AFG2A: variants seen among roughly 807,000 people sequenced by gnomAD.
The protein encoded by AFG2A is ATPase family gene 2 protein homolog A.
the AFG2A span, among the ~76,000 whole-genome samples, chr4:123,242,292 G>A: frequency 1.7e-4 from 26 of 152,150 alleles, no homozygotes; most frequent in East Asian, 2.3e-3. Flanking sequence ...AAAGGAGCCC[G>A]CATAGCCAAG....
chr4:122,937,458 G>T, the AFG2A span, among the ~76,000 whole-genome samples: 1 of 152,088 alleles, frequency 6.6e-6, no homozygotes, highest in Non-Finnish European at 1.5e-5. Flanking sequence ...CAAAATGCTG[G>T]CTGTCTTGGT....
chr4:123,265,922 T>C, the AFG2A span, among the ~76,000 whole-genome samples: 3 of 152,038 alleles, frequency 2.0e-5, no homozygotes, highest in Non-Finnish European at 4.4e-5. Context: ...TCCAATATTT[T>C]ATATAAACCA....
chr4:123,241,112 A>G, the AFG2A span, among the ~76,000 whole-genome samples: 48 of 152,354 alleles, frequency 3.2e-4, no homozygotes, highest in Non-Finnish European at 5.7e-4. Context: ...ATAGACCAAT[A>G]ACAGGTTCTG....
At chr4:123,084,910 C>T in the AFG2A span, among the ~76,000 whole-genome samples, 1 of 152,118 alleles carries the variant, frequency 6.6e-6, no homozygotes. Flanking sequence ...CGATTACAGG[C>T]GTGAGCTACT....
At chr4:123,122,336 C>G in the AFG2A span, among the ~76,000 whole-genome samples, 1 of 152,196 alleles carries the variant, frequency 6.6e-6, no homozygotes, top group Non-Finnish European at 1.5e-5. Flanking sequence ...AACACCTAAC[C>G]TACCAAACAT....
At chr4:123,242,592 A>T in the AFG2A span, among the ~76,000 whole-genome samples, 1 of 152,240 alleles carries the variant, frequency 6.6e-6, no homozygotes, top group Non-Finnish European at 1.5e-5. Flanking sequence ...TTATACAAAA[A>T]TTAATTCAAG....
the AFG2A span, among the ~76,000 whole-genome samples, chr4:122,981,964 T>G: frequency 2.0e-5 from 3 of 152,208 alleles, no homozygotes; most frequent in South Asian, 6.2e-4. Flanking sequence ...ACAATTTTTT[T>G]CTTCTTTTTC....
the AFG2A span, among the ~76,000 whole-genome samples, chr4:123,043,710 G>A: frequency 1.3e-5 from 2 of 152,156 alleles, no homozygotes; most frequent in Non-Finnish European, 2.9e-5. Flanking sequence ...GAAGTCAGAA[G>A]TTGCTAAATC....
chr4:123,284,717 A>G, the AFG2A span, among the ~76,000 whole-genome samples: 4 of 152,158 alleles, frequency 2.6e-5, no homozygotes, highest in South Asian at 8.3e-4. Flanking sequence ...GATGTCTATT[A>G]TGTTATAGTT....
the AFG2A span, among the ~76,000 whole-genome samples, chr4:123,169,439 A>G: frequency 6.6e-6 from 1 of 152,172 alleles, no homozygotes; most frequent in African/African-American, 2.4e-5. Flanking sequence ...TACAGTCTCA[A>G]AGAGATAGAG....
At chr4:122,973,570 C>T in the AFG2A span, among the ~76,000 whole-genome samples, 1 of 151,902 alleles carries the variant, frequency 6.6e-6, no homozygotes, top group African/African-American at 2.4e-5. Context: ...AGTGAATATC[C>T]TATGTTTGTC....
the AFG2A span, among the ~76,000 whole-genome samples, chr4:123,200,306 C>T: frequency 2.0e-5 from 3 of 152,188 alleles, no homozygotes; most frequent in Non-Finnish European, 2.9e-5. Flanking sequence ...TTTTCTACTG[C>T]AATTATTTCA....
At chr4:122,983,479 A>G in the AFG2A span, among the ~76,000 whole-genome samples, 5 of 152,206 alleles carry the variant, frequency 3.3e-5, no homozygotes, top group South Asian at 1.0e-3. Flanking sequence ...CTTTTGCTGT[A>G]TCAAAGTTTT....
the AFG2A span, among the ~76,000 whole-genome samples, chr4:123,204,152 C>G: frequency 1.3e-5 from 2 of 152,166 alleles, no homozygotes; most frequent in African/African-American, 2.4e-5. Context: ...GATCAACGAC[C>G]TGGATTTCAT....
the AFG2A span, among the ~76,000 whole-genome samples, chr4:123,234,868 T>G: frequency 6.6e-6 from 1 of 152,102 alleles, no homozygotes; most frequent in African/African-American, 2.4e-5. Flanking sequence ...TTATTTAACC[T>G]CTCTCTAACT....
At chr4:122,930,650 C>T in the AFG2A span, among the ~76,000 whole-genome samples, 1 of 152,104 alleles carries the variant, frequency 6.6e-6, no homozygotes, top group African/African-American at 2.4e-5. Context: ...TCTTTTTAAA[C>T]AGATGAAATA....
At chr4:123,132,103 C>T in the AFG2A span, among the ~76,000 whole-genome samples, 1 of 152,062 alleles carries the variant, frequency 6.6e-6, no homozygotes, top group Non-Finnish European at 1.5e-5. Flanking sequence ...CTTTTCCCCC[C>T]CAGATTTATT....
At chr4:122,934,677 G>A in the AFG2A span, 7 of 1,606,582 alleles carry the variant, frequency 4.4e-6, no homozygotes, top group African/African-American at 2.7e-5. Flanking sequence ...GTAGCCAGCT[G>A]AAAGCAATTA....
the AFG2A span, chr4:122,928,905 A>G: frequency 4.5e-6 from 5 of 1,101,886 alleles, no homozygotes; most frequent in East Asian, 1.1e-4. Context: ...TTGGTATCAG[A>G]TTGTAACTCT....
Sources: allele counts gnomAD v4.1 joint callset (sites outside exome capture counted in the v4.1 genomes callset), GRCh38; gene constraint gnomAD v4.1.1; transcripts MANE v1.5; gene names NCBI Gene and HGNC (gene_info 2026-07-23, HGNC 2026-07-21).